The following ROR1 variants were observed in gnomAD, a reference collection of about 807,000 sequenced individuals.
ROR1 encodes the protein ROR family WNT receptor 1, also known as inactive tyrosine-protein kinase transmembrane receptor ROR1.
A neutral mutation model predicts 78.8 loss-of-function variants in ROR1; 19 were observed. The observed-to-expected ratio is 0.24, with a 90% CI of 0.17 to 0.35. The LOEUF is 0.35. Among genes scored for constraint, ROR1 ranks in the 10% least tolerant of loss-of-function variants. ROR1 has a pLI of 1.00. For synonymous variants in ROR1, 386 were observed against 433.6 expected (o/e 0.89, Z 1.36); for missense variants, 917 against 1,177.8 (o/e 0.78, Z 3.24).
At chr1:63,865,382 T>C (rs1377221461) in intron 1 of ROR1, among the ~76,000 whole-genome samples, 2 of 152,198 alleles carry the variant, frequency 1.3e-5, no homozygotes, top group African/African-American at 2.4e-5. Context: ...TTTGCTGTAC[T>C]CTGGAAAACT....
chr1:64,157,835 A>T (rs1649816893), intron 7 of ROR1, among the ~76,000 whole-genome samples: 1 of 152,236 alleles, frequency 6.6e-6, no homozygotes, highest in Non-Finnish European at 1.5e-5. Context: ...AGTGCCTGAC[A>T]TGCAGTAGCT....
chr1:64,000,413 A>G (rs938891388), intron 1 of ROR1, among the ~76,000 whole-genome samples: 1 of 152,198 alleles, frequency 6.6e-6, no homozygotes, highest in Non-Finnish European at 1.5e-5. Context: ...TGTATTAAGC[A>G]TCCATTGAGT....
In ROR1 at chr1:63,808,609, G is replaced by A. The variant is rs931696406; in HGVS notation, c.91+34101G>A. The stretch of plus-strand genomic sequence containing the variant: ...TTGAGCAGCTTTAATAGTGGTCAGC[G>A]CATACATTTAAATTGAGAAAGGAGG... On this transcript the variant is annotated intron_variant, in intron 1 of 8. Transcript: ENST00000371079. Among the ~76,000 whole-genome samples the A allele has an allele frequency of 2.0e-5, 3 of 152,242 alleles. No individual in the cohort carries two copies. The East Asian group carries it at 5.8e-4, about 29-fold the overall frequency.
chr1:63,866,236 T>A (rs1645214739), intron 1 of ROR1, among the ~76,000 whole-genome samples: 2 of 151,832 alleles, frequency 1.3e-5, no homozygotes, highest in Admixed American at 1.3e-4. Context: ...CTGGCCTGGA[T>A]GTCTAAGTAA....
chr1:63,785,224 G>C (rs148438897), intron 1 of ROR1, among the ~76,000 whole-genome samples: 132 of 152,286 alleles, frequency 8.7e-4, no homozygotes, highest in South Asian at 1.4e-3. Flanking sequence ...CAACTGGGGT[G>C]TTTCAAAGTT....
intron 1 of ROR1, among the ~76,000 whole-genome samples, chr1:64,004,661 C>G (rs1301189394): frequency 6.6e-6 from 1 of 152,144 alleles, no homozygotes; most frequent in Admixed American, 6.6e-5. Context: ...GGAAGGGCCT[C>G]CACATCCTGT....
At chr1:64,051,740 C>A (rs992668657) in intron 4 of ROR1, among the ~76,000 whole-genome samples, 1 of 151,856 alleles carries the variant, frequency 6.6e-6, no homozygotes, top group East Asian at 1.9e-4. Flanking sequence ...GGGGAAGGAC[C>A]CACTTATTAA....
intron 1 of ROR1, among the ~76,000 whole-genome samples, chr1:63,831,980 A>G (rs146418851): frequency 3.1e-4 from 47 of 152,186 alleles, no homozygotes; most frequent in African/African-American, 1.1e-3. Flanking sequence ...CATCTCTCTC[A>G]AGTTTAAGGT....
chr1:63,994,821 T>C (rs1292547068), intron 1 of ROR1, among the ~76,000 whole-genome samples: 3 of 152,230 alleles, frequency 2.0e-5, no homozygotes, highest in African/African-American at 4.8e-5. Flanking sequence ...AGAGATCAAG[T>C]TGCCCATCTC....
chr1:64,097,265 G>C (rs1457745611), intron 4 of ROR1, among the ~76,000 whole-genome samples: 1 of 151,978 alleles, frequency 6.6e-6, no homozygotes, highest in Non-Finnish European at 1.5e-5. Flanking sequence ...GTCAGCAACA[G>C]ACAGTGGAAT....
rs1237808214 is a variant in ROR1, at chr1:64,178,556, A to G, written c.2515A>G (p.Thr839Ala). 2.5e-6 allele frequency: 4 copies of G among 1,613,994 alleles called. No individual in the cohort carries two copies. The highest frequency in any genetic ancestry group is 3.4e-6 in the Non-Finnish European group (4 of 1,180,024). ...GTTTCCAGCTGCCCACTACCAGCCA[A>G]CAGGTCCTCCCAGAGTGATTCAGCA... Reference protein sequence around the residue: ...AAFPAAHYQPTGPPRVIQHCP... With the variant: ...AAFPAAHYQPAGPPRVIQHCP... The change falls in exon 9 of 9, where the codon ACA becomes GCA. Residue 839 changes from threonine (T) to alanine (A), a missense_variant. Thr to Ala is a moderately conservative substitution (Grantham distance 58). Coordinates refer to ENST00000371079, the MANE Select transcript of ROR1 (RefSeq NM_005012.4). The surrounding 1 kb of genome is among the most constrained non-coding windows in gnomAD (Gnocchi z 4.3).
chr1:64,174,598 A>C (rs1650326436), intron 8 of ROR1, among the ~76,000 whole-genome samples: 1 of 152,126 alleles, frequency 6.6e-6, no homozygotes, highest in South Asian at 2.1e-4. Flanking sequence ...AAGTTTTAGT[A>C]CTCAGTCCCT....
chr1:64,165,583 AT>A lies in ROR1; in HGVS notation c.1386+6396del, dbSNP rs375569139. Among the ~76,000 whole-genome samples, 187 of 150,876 alleles carry A rather than the reference AT, an allele frequency of 1.2e-3. 7 individuals are homozygous for A. The South Asian group carries it at 0.038, about 31-fold the overall frequency. On this transcript the variant is annotated intron_variant, in intron 8 of 8. Transcript: ENST00000371079. ...TAGTTTAATAAGATCCCATTTGTCA[AT>A]TTTTGCTCTGGTTTTGATTGCTTTT...
At chr1:63,957,350 A>G (rs1215193906) in intron 1 of ROR1, among the ~76,000 whole-genome samples, 1 of 152,206 alleles carries the variant, frequency 6.6e-6, no homozygotes, top group African/African-American at 2.4e-5. Context: ...TACATGCTCC[A>G]AGCAGCTTTC....
chr1:63,904,553 A>G (rs997922437), intron 1 of ROR1, among the ~76,000 whole-genome samples: 2 of 152,170 alleles, frequency 1.3e-5, no homozygotes, highest in African/African-American at 2.4e-5. Context: ...TTATGAATTG[A>G]GGTGTGTCCC....
At chr1:63,905,085 G>A (rs979575640) in intron 1 of ROR1, among the ~76,000 whole-genome samples, 6 of 152,098 alleles carry the variant, frequency 3.9e-5, no homozygotes, top group African/African-American at 9.7e-5. Context: ...CTGCTTCAGA[G>A]GCAAGAGAGT....
chr1:63,828,112 A>G (rs1229417044), intron 1 of ROR1, among the ~76,000 whole-genome samples: 1 of 152,220 alleles, frequency 6.6e-6, no homozygotes, highest in Non-Finnish European at 1.5e-5. Flanking sequence ...GAGAAAAAAA[A>G]TTCCACTTAA....
At chr1:63,983,470 G>T (rs1419383024) in intron 1 of ROR1, among the ~76,000 whole-genome samples, 4 of 152,174 alleles carry the variant, frequency 2.6e-5, no homozygotes, top group African/African-American at 7.2e-5. Context: ...GAAACTTCAG[G>T]CTGGACTTTC....
intron 1 of ROR1, among the ~76,000 whole-genome samples, chr1:63,809,560 C>G (rs1208402249): frequency 2.6e-5 from 4 of 152,174 alleles, no homozygotes; most frequent in African/African-American, 4.8e-5. Context: ...AGAGTTGAAG[C>G]ATTGTCCTTT....
Sources: allele counts gnomAD v4.1 joint callset (sites outside exome capture counted in the v4.1 genomes callset), GRCh38; gene constraint gnomAD v4.1.1; non-coding constraint Gnocchi (gnomAD v3.1); transcripts MANE v1.5; gene names NCBI Gene and HGNC (gene_info 2026-07-23, HGNC 2026-07-21).